TBC1D30: variants seen among roughly 807,000 people sequenced by gnomAD.
TBC1D30 encodes TBC1 domain family member 30, also known as TBC1 domain family, member 30.
In TBC1D30, 31 loss-of-function variants were observed where a neutral mutation model predicts 63.2. The ratio of observed to expected loss-of-function variants is 0.49; its 90% CI spans 0.37 to 0.66. The LOEUF (loss-of-function observed/expected upper bound fraction) is 0.66, where lower values mean the gene tolerates loss of function less well. TBC1D30 is among the 30% of genes least tolerant of loss of function. The pLI is 0.00. For missense variants in TBC1D30, 810 were observed against 953.6 expected, an observed-to-expected ratio of 0.85 and a Z score of 1.98; for synonymous variants, 307 against 361.5, an observed-to-expected ratio of 0.85 and a Z score of 1.71.
intron 10 of TBC1D30, among the ~76,000 whole-genome samples, chr12:64,869,878 A>G (rs1248585818): frequency 6.6e-6 from 1 of 152,180 alleles, no homozygotes; most frequent in Non-Finnish European, 1.5e-5. Flanking sequence ...TCTGGCTCCC[A>G]TGTCAGTTTT....
intron 8 of TBC1D30, among the ~76,000 whole-genome samples, chr12:64,852,629 A>G (rs1336521543): frequency 6.6e-6 from 1 of 152,036 alleles, no homozygotes; most frequent in Non-Finnish European, 1.5e-5. Context: ...GGATTTATCT[A>G]TCTTTGGTCT....
chr12:64,854,498 C>CTTTCTT (rs796208448), intron 8 of TBC1D30, among the ~76,000 whole-genome samples: 5,874 of 138,794 alleles, frequency 0.042, 420 homozygotes, highest in African/African-American at 0.15. Flanking sequence ...CTTTTTCTTT[C>CTTTCTT]TTTTTTTTTT....
At chr12:64,770,870 A>ATTTT (rs59632344) in intron 1 of TBC1D30, among the ~76,000 whole-genome samples, 1 of 138,198 alleles carries the variant, frequency 7.2e-6, no homozygotes, top group African/African-American at 2.7e-5. Flanking sequence ...CACCCAGCTA[A>ATTTT]TTTTTTTTTT....
intron 8 of TBC1D30, among the ~76,000 whole-genome samples, chr12:64,856,326 G>C (rs1877297531): frequency 1.3e-5 from 2 of 152,152 alleles, no homozygotes. Context: ...CAACATTGGA[G>C]ATTACAATTC....
intron 11 of TBC1D30, among the ~76,000 whole-genome samples, 198 bp downstream of exon 11, chr12:64,871,006 G>A (rs138094501): frequency 2.0e-5 from 3 of 152,106 alleles, no homozygotes; most frequent in African/African-American, 7.2e-5. Flanking sequence ...AAGACTGCAG[G>A]TTCTTTTTAG....
At chr12:64,865,733 G>A (rs1878155685) in intron 9 of TBC1D30, among the ~76,000 whole-genome samples, 2 of 152,138 alleles carry the variant, frequency 1.3e-5, no homozygotes, top group South Asian at 2.1e-4. Context: ...GTGCATACCT[G>A]TAGTCCTAGC....
intron 5 of TBC1D30, among the ~76,000 whole-genome samples, chr12:64,835,431 T>C (rs1211607424): frequency 1.3e-5 from 2 of 152,062 alleles, no homozygotes; most frequent in African/African-American, 4.8e-5. Context: ...GTATCCTGAG[T>C]GTCAAAATGT....
At chr12:64,803,151 A>G (rs557126890) in intron 2 of TBC1D30, among the ~76,000 whole-genome samples, 56 of 152,282 alleles carry the variant, frequency 3.7e-4, no homozygotes, top group African/African-American at 1.3e-3. Context: ...CATCCTCTCT[A>G]GCACCTGTTG....
intron 2 of TBC1D30, among the ~76,000 whole-genome samples, chr12:64,810,634 C>T (rs73325444): frequency 1.7e-3 from 261 of 152,126 alleles, no homozygotes; most frequent in African/African-American, 5.6e-3. Context: ...AAAAAAACCC[C>T]GAAGTACTAC....
intron 8 of TBC1D30, among the ~76,000 whole-genome samples, chr12:64,859,200 G>A (rs1877573954): frequency 6.6e-6 from 1 of 152,128 alleles, no homozygotes; most frequent in African/African-American, 2.4e-5. Context: ...AGAGCAGCAT[G>A]TGTCAAGGTC....
At chr12:64,828,276 G>A (rs186688943) in intron 2 of TBC1D30, among the ~76,000 whole-genome samples, 168 bp from the exon 3 acceptor site, 7 of 152,340 alleles carry the variant, frequency 4.6e-5, no homozygotes, top group African/African-American at 1.2e-4. Flanking sequence ...ACGTGGCACA[G>A]TAATAGCCAT....
chr12:64,870,559 C>A, intron 10 of TBC1D30, 43 bp from the exon 11 acceptor site: 1 of 1,476,396 alleles, frequency 6.8e-7, no homozygotes, highest in African/African-American at 1.4e-5. Context: ...ACTCCTGTTC[C>A]CCTCCACCGA....
chr12:64,872,908 C>T (rs573449403), intron 11 of TBC1D30, among the ~76,000 whole-genome samples: 101 of 152,208 alleles, frequency 6.6e-4, no homozygotes, highest in Middle Eastern at 6.8e-3. Context: ...GAGAACAGCA[C>T]GGGAAAGACC....
chr12:64,764,958 C>T (rs539639687), intron 1 of TBC1D30, among the ~76,000 whole-genome samples: 22 of 152,156 alleles, frequency 1.4e-4, no homozygotes, highest in Non-Finnish European at 3.2e-4. Flanking sequence ...CCTTGATCAT[C>T]AGGAGCACTC....
intron 1 of TBC1D30, chr12:64,825,489 G>C (rs1208266402): frequency 6.3e-6 from 1 of 158,602 alleles, no homozygotes. Flanking sequence ...AGGCAAAATC[G>C]GGTGTTATTT....
At chr12:64,763,233 G>A (rs1271084185) in intron 1 of TBC1D30, among the ~76,000 whole-genome samples, 1 of 152,182 alleles carries the variant, frequency 6.6e-6, no homozygotes, top group Non-Finnish European at 1.5e-5. Flanking sequence ...TGGGATTATA[G>A]GCGTGAGTTT....
exon 1 of TBC1D30, chr12:64,781,269 T>A: frequency 8.7e-7 from 1 of 1,149,978 alleles, no homozygotes; most frequent in Non-Finnish European, 1.1e-6. Context: ...CATCAGATGC[T>A]GTACCTGCGG....
chr12:64,810,608 ACAAAAC>A (rs1488667888), intron 2 of TBC1D30, among the ~76,000 whole-genome samples: 5 of 152,090 alleles, frequency 3.3e-5, no homozygotes, highest in Non-Finnish European at 7.4e-5. Flanking sequence ...GTCTCAAAAA[ACAAAAC>A]AAAACCAAAA....
intron 2 of TBC1D30, among the ~76,000 whole-genome samples, chr12:64,819,021 G>A (rs896832205): frequency 1.3e-5 from 2 of 152,264 alleles, no homozygotes; most frequent in Middle Eastern, 3.4e-3. Flanking sequence ...ATGCATCTAA[G>A]GTTACATGGA....
Sources: gnomAD v4.1 joint callset for allele counts (sites outside exome capture counted in the v4.1 genomes callset) on GRCh38, gnomAD v4.1.1 for gene constraint, MANE v1.5 for transcripts, NCBI Gene and HGNC (gene_info 2026-07-23, HGNC 2026-07-21) for gene names.